Variants in FUT9 observed in about 807,000 individuals in gnomAD.
The protein encoded by FUT9 is fucosyltransferase 9.
Under a neutral mutation model 29.7 loss-of-function variants are expected in FUT9, and 15 were observed. The observed-to-expected ratio is 0.51, with a 90% confidence interval of 0.34 to 0.78. The LOEUF (loss-of-function observed/expected upper bound fraction) is 0.78, where lower values mean the gene tolerates loss of function less well. Among genes scored for constraint, FUT9 ranks in the 30% least tolerant of loss-of-function variants. FUT9 has a pLI of 0.01. For synonymous variants in FUT9, 169 were observed against 153.7 expected, an observed-to-expected ratio of 1.10 and a Z score of -0.74; for missense variants, 319 against 425.4, an observed-to-expected ratio of 0.75 and a Z score of 2.20.
At chr6:96,080,880 C>A (rs1207330751) in intron 1 of FUT9, among the ~76,000 whole-genome samples, 1 of 151,942 alleles carries the variant, frequency 6.6e-6, no homozygotes, top group Non-Finnish European at 1.5e-5. Flanking sequence ...ACTCTTATTT[C>A]ATTGGTAAAC....
chr6:96,203,143 C>A lies in FUT9; in HGVS notation c.-8-5C>A. ...CCTCCCCTTCTGTCTTTCTCTATTT[C>A]GTAGGAAAAATTATGACATCAACAT... On this transcript the variant is annotated splice_region_variant and splice_polypyrimidine_tract_variant and intron_variant, in intron 2 of 2. Transcript: ENST00000302103. 1 of 1,575,356 alleles carries A rather than the reference C, an allele frequency of 6.3e-7. No homozygotes were observed. The highest frequency in any genetic ancestry group is 8.7e-7 in the Non-Finnish European group (1 of 1,155,590).
chr6:96,188,330 A>G (rs4240601), intron 2 of FUT9, among the ~76,000 whole-genome samples: 138,756 of 152,054 alleles, frequency 0.91, 64,669 homozygotes, highest in Non-Finnish European at 1. Context: ...GCAGTGGCAC[A>G]ATCGTAGCTC....
At chr6:96,108,217 T>G (rs1262008200) in intron 1 of FUT9, among the ~76,000 whole-genome samples, 1 of 152,112 alleles carries the variant, frequency 6.6e-6, no homozygotes, top group Non-Finnish European at 1.5e-5. Context: ...GAGGGGAAAA[T>G]TTTCTTTTCC....
chr6:96,089,387 T>G (rs915467822), intron 1 of FUT9, among the ~76,000 whole-genome samples: 1 of 152,176 alleles, frequency 6.6e-6, no homozygotes, highest in Non-Finnish European at 1.5e-5. Flanking sequence ...TTCCCTGAGC[T>G]GCAGCCTAAA....
At chr6:96,200,943 G>GT (rs1455073029) in intron 2 of FUT9, among the ~76,000 whole-genome samples, 1 of 150,686 alleles carries the variant, frequency 6.6e-6, no homozygotes, top group Non-Finnish European at 1.5e-5. Context: ...CTGAATTTTT[G>GT]TATTTTTGCA....
intron 2 of FUT9, among the ~76,000 whole-genome samples, chr6:96,189,086 GGGGGAAGGTTGGGAGACTGTTC>G (rs760144848): frequency 5.3e-5 from 8 of 152,176 alleles, no homozygotes; most frequent in South Asian, 2.1e-4. Flanking sequence ...TTAGTGTGTT[GGGGGAAGGTTGGGAGACTGTTC>G]GGGGAAGGTT....
At chr6:96,174,111 G>T (rs1260017853) in intron 2 of FUT9, among the ~76,000 whole-genome samples, 2 of 152,044 alleles carry the variant, frequency 1.3e-5, no homozygotes, top group African/African-American at 4.8e-5. Flanking sequence ...CATGGGTTTT[G>T]CAGTCACAGA....
intron 1 of FUT9, among the ~76,000 whole-genome samples, chr6:96,058,186 A>G (rs928967066): frequency 3.9e-5 from 6 of 152,074 alleles, no homozygotes; most frequent in African/African-American, 1.4e-4. Context: ...CCCGTTTGTC[A>G]GTAGGTAAAA....
chr6:96,184,024 A>G (rs1449976713), intron 2 of FUT9, among the ~76,000 whole-genome samples: 1 of 151,938 alleles, frequency 6.6e-6, no homozygotes, highest in Non-Finnish European at 1.5e-5. Context: ...ATTGGTGCCA[A>G]TTCTTCTTTT....
Position 96,126,791 on chromosome 6 carries a change from T to C in FUT9, c.-9+12664T>C, listed in dbSNP as rs143892022. On this transcript the variant is annotated intron_variant, in intron 2 of 2. Transcript: ENST00000302103. ...TCAATGGAGGTAGAGGCAATATCATTTCTGTATTCTTTAACTTCCCTGTGG... is the reference window on the plus strand; with the variant it reads ...TCAATGGAGGTAGAGGCAATATCATCTCTGTATTCTTTAACTTCCCTGTGG... Among the ~76,000 whole-genome samples the C allele has an allele frequency of 2.9e-3, 441 of 152,336 alleles. 2 individuals carry two copies. Among genetic ancestry groups the C allele is most frequent in the African/African-American group, 0.01 (429 of 41,574 alleles).
At chr6:96,040,604 T>C (rs1014462995) in intron 1 of FUT9, among the ~76,000 whole-genome samples, 1 of 152,054 alleles carries the variant, frequency 6.6e-6, no homozygotes, top group Non-Finnish European at 1.5e-5. Context: ...AAGTAGAGGG[T>C]TGGAGTGACT....
At chr6:96,104,679 T>C (rs978083607) in intron 1 of FUT9, among the ~76,000 whole-genome samples, 1 of 151,914 alleles carries the variant, frequency 6.6e-6, no homozygotes, top group Non-Finnish European at 1.5e-5. Context: ...TACAGGCGCC[T>C]GCCATCACGC....
rs1436624616 is a variant in FUT9, at chr6:96,208,819, C to T, written c.*4584C>T. 1 of 166,566 alleles carries T rather than the reference C, an allele frequency of 6.0e-6. No homozygotes were observed. The highest frequency in any genetic ancestry group is 1.5e-5 in the Non-Finnish European group (1 of 67,976). The allele number at this position is 166,566 out of a possible 1,614,324, so 10.3% of individuals were successfully genotyped here. A position where few individuals can be genotyped will look rare whatever the true frequency, so the allele number is the denominator to read the frequency against. On this transcript the variant is annotated 3_prime_UTR_variant, in exon 3 of 3. Coordinates refer to ENST00000302103, the MANE Select transcript of FUT9 (RefSeq NM_006581.4). ...TGCGAGCACTGTGAAGGGCAGATAT[C>T]TATTACCAAACCACATGGAGAGAAA...
rs922719183 is a variant in FUT9, at chr6:96,214,807, G to A, written c.*10572G>A. ...CATTGCTATGTTATTAAAATGATGG[G>A]AATCCTATTTATACATTTATTTATT... On this transcript the variant is annotated 3_prime_UTR_variant, in exon 3 of 3. Coordinates refer to ENST00000302103, the MANE Select transcript of FUT9 (RefSeq NM_006581.4). 6.0e-6 allele frequency: 1 copy of A among 166,802 alleles called. No homozygotes were observed. The allele number at this position is 166,802 out of a possible 1,614,324, so 10.3% of individuals were successfully genotyped here. A position where few individuals can be genotyped will look rare whatever the true frequency, so the allele number is the denominator to read the frequency against.
intron 1 of FUT9, among the ~76,000 whole-genome samples, chr6:96,074,785 T>G (rs549838000): frequency 6.6e-6 from 1 of 151,966 alleles, no homozygotes; most frequent in South Asian, 2.1e-4. Context: ...TTAATTATTG[T>G]TTTTTTTAAG....
intron 1 of FUT9, among the ~76,000 whole-genome samples, chr6:96,019,411 ATG>A (rs1406151043): frequency 1.3e-5 from 2 of 151,890 alleles, no homozygotes; most frequent in African/African-American, 4.8e-5. Flanking sequence ...TTATAAATTC[ATG>A]TCTCTATATT....
chr6:96,088,246 T>G (rs1482218240), intron 1 of FUT9, among the ~76,000 whole-genome samples: 3 of 151,842 alleles, frequency 2.0e-5, no homozygotes, highest in African/African-American at 4.8e-5. Flanking sequence ...TAATAAAACA[T>G]AAAAAATATA....
At chr6:96,162,171 T>C (rs956203278) in intron 2 of FUT9, among the ~76,000 whole-genome samples, 12 of 152,226 alleles carry the variant, frequency 7.9e-5, no homozygotes. Flanking sequence ...GTGTCATATC[T>C]GAGTCTAGTT....
chr6:96,114,639 T>C (rs1446560990), intron 2 of FUT9, among the ~76,000 whole-genome samples: 1 of 151,244 alleles, frequency 6.6e-6, no homozygotes, highest in Non-Finnish European at 1.5e-5. Flanking sequence ...TTCATATATG[T>C]AATTTATTTA....
Sources: allele counts gnomAD v4.1 joint callset (sites outside exome capture counted in the v4.1 genomes callset), GRCh38; gene constraint gnomAD v4.1.1; transcripts MANE v1.5; gene names NCBI Gene and HGNC (gene_info 2026-07-23, HGNC 2026-07-21).